GLT1D1: variants seen among roughly 807,000 people sequenced by gnomAD.
The protein encoded by GLT1D1 is glycosyltransferase 1 domain-containing protein 1.
In GLT1D1, 21 loss-of-function variants were observed where a neutral mutation model predicts 28.7. The observed-to-expected ratio is 0.73, with a 90% CI of 0.52 to 1.05. The LOEUF (loss-of-function observed/expected upper bound fraction) is 1.05, where lower values mean the gene tolerates loss of function less well. Ranked by LOEUF, GLT1D1 falls within the 50% of genes least tolerant of loss-of-function variation. GLT1D1 has a pLI of 0.00. For synonymous variants in GLT1D1, 147 were observed against 124.8 expected, an observed-to-expected ratio of 1.18 and a Z score of -1.19; for missense variants, 343 against 330.6, an observed-to-expected ratio of 1.04 and a Z score of -0.29.
At chr12:128,934,627 AC>A (rs1874351850) in intron 4 of GLT1D1, among the ~76,000 whole-genome samples, 2 of 152,228 alleles carry the variant, frequency 1.3e-5, no homozygotes, top group Admixed American at 6.5e-5. Flanking sequence ...CTGAGCCTCC[AC>A]CCCAGGCATC....
chr12:128,888,618 G>A (rs367628596), intron 2 of GLT1D1, 21 bp from the exon 3 acceptor site: 1 of 1,540,756 alleles, frequency 6.5e-7, no homozygotes, highest in Non-Finnish European at 9.0e-7. Context: ...ATTCTGCTTT[G>A]TGACTGTCAT....
intron 2 of GLT1D1, among the ~76,000 whole-genome samples, chr12:128,886,295 G>T (rs997939642): frequency 5.3e-5 from 8 of 152,124 alleles, no homozygotes; most frequent in Non-Finnish European, 1.0e-4. Flanking sequence ...TGGCAATAGG[G>T]TGTATCAGTT....
intron 6 of GLT1D1, among the ~76,000 whole-genome samples, chr12:128,951,074 G>A (rs928229644): frequency 6.6e-6 from 1 of 151,930 alleles, no homozygotes; most frequent in African/African-American, 2.4e-5. Flanking sequence ...TAATTAGCTT[G>A]CTTTAGCCAT....
chr12:128,910,053 A>T (rs1871354555), intron 4 of GLT1D1, among the ~76,000 whole-genome samples: 1 of 152,276 alleles, frequency 6.6e-6, no homozygotes, highest in East Asian at 1.9e-4. Flanking sequence ...TATTGCAATG[A>T]TTACAAATAA....
chr12:128,960,231 C>T (rs1181150965), intron 7 of GLT1D1, among the ~76,000 whole-genome samples: 2 of 152,158 alleles, frequency 1.3e-5, no homozygotes. Flanking sequence ...GGGGAGGCTG[C>T]GATTCTTAAC....
At chr12:128,872,224 G>A (rs1473733632) in intron 1 of GLT1D1, among the ~76,000 whole-genome samples, 4 of 152,132 alleles carry the variant, frequency 2.6e-5, no homozygotes, top group Non-Finnish European at 5.9e-5. Flanking sequence ...GATTACAGGC[G>A]TGAGCCACCG....
chr12:128,882,836 C>G (rs1263993763), intron 2 of GLT1D1, among the ~76,000 whole-genome samples: 1 of 152,126 alleles, frequency 6.6e-6, no homozygotes, highest in Admixed American at 6.6e-5. Flanking sequence ...AAATGGCACA[C>G]AAGGAAAAAC....
intron 7 of GLT1D1, among the ~76,000 whole-genome samples, chr12:128,975,458 T>TC (rs35441183): frequency 0.53 from 79,408 of 150,780 alleles, 21,130 homozygotes; most frequent in Admixed American, 0.63. Flanking sequence ...TGTTTTTTAT[T>TC]TTTTTCTTTT....
At chr12:128,908,529 T>G (rs1300777009) in intron 4 of GLT1D1, among the ~76,000 whole-genome samples, 6 of 149,224 alleles carry the variant, frequency 4.0e-5, no homozygotes, top group Non-Finnish European at 8.8e-5. Context: ...CTTTCTTTCC[T>G]TCTTTCTTCT....
At chr12:128,911,947 G>A (rs1323336029) in intron 4 of GLT1D1, among the ~76,000 whole-genome samples, 1 of 152,020 alleles carries the variant, frequency 6.6e-6, no homozygotes, top group Non-Finnish European at 1.5e-5. Flanking sequence ...CATATTGGCA[G>A]CTCCTCCTTC....
chr12:128,962,565 T>TA (rs1878073137), intron 7 of GLT1D1, among the ~76,000 whole-genome samples: 1 of 152,068 alleles, frequency 6.6e-6, no homozygotes, highest in Non-Finnish European at 1.5e-5. Flanking sequence ...GGGGGTGAGG[T>TA]GGCCTGGTCA....
chr12:128,888,940 C>T lies in GLT1D1; in HGVS notation c.323+196C>T, dbSNP rs548152493. On this transcript the variant is annotated intron_variant, in intron 3 of 7. Coordinates refer to ENST00000281703, the MANE Select transcript of GLT1D1 (RefSeq NM_144669.3). ...TAGTCATTGCTAACAGGTTATTGCA[C>T]TTAAGTCTTCAACTACAGTTAATAT... Among the ~76,000 whole-genome samples, 18 of 152,304 alleles carry T rather than the reference C, an allele frequency of 1.2e-4. 2 individuals carry two copies. The South Asian group carries it at 3.7e-3, about 32-fold the overall frequency.
intron 4 of GLT1D1, among the ~76,000 whole-genome samples, chr12:128,942,625 A>C (rs1273916871): frequency 2.0e-5 from 3 of 151,700 alleles, no homozygotes; most frequent in South Asian, 4.1e-4. Context: ...AGACGCCATC[A>C]GGTTTTCCGT....
intron 7 of GLT1D1, among the ~76,000 whole-genome samples, chr12:128,970,203 G>A (rs1469670560): frequency 6.6e-6 from 1 of 152,116 alleles, no homozygotes. Context: ...GCAGCCTTAG[G>A]GGTAATGCTG....
intron 7 of GLT1D1, among the ~76,000 whole-genome samples, chr12:128,981,558 C>T (rs561399347): frequency 5.3e-4 from 80 of 152,282 alleles, no homozygotes; most frequent in African/African-American, 1.3e-3. Flanking sequence ...TTCTACTGTA[C>T]GATAAATATT....
intron 7 of GLT1D1, among the ~76,000 whole-genome samples, chr12:128,962,708 C>CT (rs1311590026): frequency 3.9e-5 from 6 of 152,028 alleles, no homozygotes; most frequent in South Asian, 4.2e-4. Flanking sequence ...AAAATAATTC[C>CT]TTTTTTTTCT....
At chr12:128,979,473 C>T (rs955471669) in intron 7 of GLT1D1, among the ~76,000 whole-genome samples, 8 of 152,194 alleles carry the variant, frequency 5.3e-5, no homozygotes, top group African/African-American at 9.7e-5. Flanking sequence ...ACCCTCAGCT[C>T]TTAGAAGCTG....
intron 1 of GLT1D1, among the ~76,000 whole-genome samples, chr12:128,858,921 G>A (rs1431924610): frequency 6.6e-6 from 1 of 152,134 alleles, no homozygotes; most frequent in Non-Finnish European, 1.5e-5. Flanking sequence ...CCAATTGTCA[G>A]CCAGAAAATG....
At chr12:128,952,773 C>CTTTGTTTTTT (rs1876852486) in intron 6 of GLT1D1, among the ~76,000 whole-genome samples, 1 of 58,936 alleles carries the variant, frequency 1.7e-5, no homozygotes, top group Non-Finnish European at 2.7e-5. Flanking sequence ...CCGTGACTGG[C>CTTTGTTTTTT]TTTTTTTTTT....
Sources: allele counts gnomAD v4.1 joint callset (sites outside exome capture counted in the v4.1 genomes callset), GRCh38; gene constraint gnomAD v4.1.1; transcripts MANE v1.5; gene names NCBI Gene and HGNC (gene_info 2026-07-23, HGNC 2026-07-21).